Variants in PHACTR1 observed in about 807,000 individuals in gnomAD.
PHACTR1 encodes RPEL repeat containing 1.
In PHACTR1, 16 loss-of-function variants were observed where a neutral mutation model predicts 69.2. The observed-to-expected ratio is 0.23, with a 90% CI of 0.16 to 0.35. The LOEUF (loss-of-function observed/expected upper bound fraction) is 0.35. Among genes scored for constraint, PHACTR1 ranks in the 10% least tolerant of loss-of-function variants. The probability of loss-of-function intolerance (pLI) is 1.00; values close to 1 mark genes in which losing one functional copy is unlikely to be tolerated. For synonymous variants in PHACTR1, 312 were observed against 284.5 expected (o/e 1.10, Z -0.97); for missense variants, 510 against 734.7 (o/e 0.69, Z 3.54).
chr6:13,010,879 G>A (rs1374150784), intron 4 of PHACTR1, among the ~76,000 whole-genome samples: 2 of 152,142 alleles, frequency 1.3e-5, no homozygotes, highest in Non-Finnish European at 2.9e-5. Context: ...CTTCACTGAG[G>A]CAGCATTCAG....
intron 4 of PHACTR1, among the ~76,000 whole-genome samples, chr6:13,050,813 A>C (rs530795487): frequency 2.6e-5 from 4 of 152,202 alleles, no homozygotes; most frequent in Admixed American, 6.5e-5. Context: ...AAATCATCAC[A>C]TTGACCTAGT....
intron 10 of PHACTR1, among the ~76,000 whole-genome samples, chr6:13,254,559 A>G (rs2127405353): frequency 6.6e-6 from 1 of 152,350 alleles, no homozygotes; most frequent in South Asian, 2.1e-4. Flanking sequence ...CCAAATCTGA[A>G]TACCTTCATC....
At chr6:12,919,163 G>A (rs1787356148) in intron 4 of PHACTR1, among the ~76,000 whole-genome samples, 1 of 151,704 alleles carries the variant, frequency 6.6e-6, no homozygotes, top group Admixed American at 6.6e-5. Context: ...TATTTTTTGA[G>A]ATGGAGTCTC....
chr6:12,785,746 C>A (rs1406793648), intron 4 of PHACTR1, among the ~76,000 whole-genome samples: 1 of 152,152 alleles, frequency 6.6e-6, no homozygotes, highest in Non-Finnish European at 1.5e-5. Context: ...ACTGTTTTTG[C>A]TTTGCTAATA....
intron 4 of PHACTR1, among the ~76,000 whole-genome samples, chr6:12,892,291 T>A (rs1332846): frequency 0.24 from 36,350 of 152,164 alleles, 4,710 homozygotes; most frequent in Middle Eastern, 0.37. Context: ...CCTGGGACAG[T>A]GTCCAGCTCA....
At chr6:12,722,100 T>C (rs1223026846) in intron 3 of PHACTR1, among the ~76,000 whole-genome samples, 8 of 152,250 alleles carry the variant, frequency 5.3e-5, no homozygotes, top group Non-Finnish European at 1.5e-5. Flanking sequence ...CCAATTTGAT[T>C]ACTTCTTCTA....
chr6:12,984,531 C>T (rs1006861963), intron 4 of PHACTR1, among the ~76,000 whole-genome samples: 2 of 152,198 alleles, frequency 1.3e-5, no homozygotes, highest in Non-Finnish European at 2.9e-5. Flanking sequence ...GGATTTAAGT[C>T]AACAATTCTA....
intron 5 of PHACTR1, among the ~76,000 whole-genome samples, chr6:13,057,033 A>G (rs1300760837): frequency 6.6e-6 from 1 of 152,204 alleles, no homozygotes; most frequent in Non-Finnish European, 1.5e-5. Context: ...AAGTTGGTTA[A>G]TGAGTGCAAA....
chr6:13,047,469 C>G (rs1805257964), intron 4 of PHACTR1, among the ~76,000 whole-genome samples: 1 of 151,660 alleles, frequency 6.6e-6, no homozygotes, highest in Non-Finnish European at 1.5e-5. Context: ...TCTTTGGTTC[C>G]CATTCCTAGG....
At chr6:13,260,966 G>T (rs945943060) in intron 10 of PHACTR1, among the ~76,000 whole-genome samples, 2 of 152,162 alleles carry the variant, frequency 1.3e-5, no homozygotes, top group African/African-American at 4.8e-5. Flanking sequence ...TTGTGGTGGG[G>T]GCTGTCCCAT....
intron 14 of PHACTR1, among the ~76,000 whole-genome samples, chr6:13,286,766 A>C (rs758231120): frequency 6.6e-6 from 1 of 152,268 alleles, no homozygotes; most frequent in Admixed American, 6.5e-5. Context: ...TTTGGGGGGA[A>C]CATTTAGAGA....
At chr6:13,090,568 C>T (rs1208814044) in intron 5 of PHACTR1, among the ~76,000 whole-genome samples, 26 of 152,146 alleles carry the variant, frequency 1.7e-4, no homozygotes. Context: ...CTTGATCCAC[C>T]TACCTCGTCC....
At chr6:12,950,544 G>A (rs1432496070) in intron 4 of PHACTR1, among the ~76,000 whole-genome samples, 1 of 152,170 alleles carries the variant, frequency 6.6e-6, no homozygotes, top group Non-Finnish European at 1.5e-5. Context: ...GAGGTTTTCC[G>A]GGAGAAGGGA....
At chr6:12,820,831 T>G (rs1199883946) in intron 4 of PHACTR1, among the ~76,000 whole-genome samples, 1 of 152,160 alleles carries the variant, frequency 6.6e-6, no homozygotes, top group Non-Finnish European at 1.5e-5. Context: ...ATGAGAACTG[T>G]TTATATAAAC....
chr6:13,008,613 A>C (rs1171043338), intron 4 of PHACTR1, among the ~76,000 whole-genome samples: 4 of 152,168 alleles, frequency 2.6e-5, no homozygotes, highest in Non-Finnish European at 5.9e-5. Context: ...AACAAACAAA[A>C]AACTCAAACC....
In PHACTR1 at chr6:13,287,722, C is replaced by T. The variant is rs1781936695; in HGVS notation, c.*644C>T. ...TCTGGCTGCCTCTTGGCTACGAAGGCTGGCACTGAGCACCCATCCTGCTCC... is the reference window on the plus strand; with the variant it reads ...TCTGGCTGCCTCTTGGCTACGAAGGTTGGCACTGAGCACCCATCCTGCTCC... On this transcript the variant is annotated 3_prime_UTR_variant, in exon 15 of 15. Transcript: ENST00000332995. 6.5e-6 allele frequency: 1 copy of T among 153,028 alleles called. No individual in the cohort carries two copies. The highest frequency in any genetic ancestry group is 2.0e-4 in the South Asian group (1 of 4,916). The allele number at this position is 153,028 out of a possible 1,614,324, so 9.5% of individuals were successfully genotyped here.
Position 12,773,197 on chromosome 6 carries a change from A to T in PHACTR1, c.250+23407A>T, listed in dbSNP as rs551009276. On this transcript the variant is annotated intron_variant, in intron 4 of 14. Coordinates refer to ENST00000332995, the MANE Select transcript of PHACTR1 (RefSeq NM_030948.6). Reference sequence around the variant, plus strand: ...AATAAAGTTTTGCACAGGGTTTTTTAAAAAAATGTTTGTATCTCCAGATAA... The same window carrying T: ...AATAAAGTTTTGCACAGGGTTTTTTTAAAAAATGTTTGTATCTCCAGATAA... Among the ~76,000 whole-genome samples the T allele has an allele frequency of 5.9e-5, 9 of 152,290 alleles. No individual in the cohort carries two copies. In the South Asian group the frequency reaches 6.2e-4, roughly 11 times the overall value.
At chr6:13,199,217 C>G (rs1330892396) in intron 7 of PHACTR1, among the ~76,000 whole-genome samples, 3 of 151,936 alleles carry the variant, frequency 2.0e-5, no homozygotes, top group Admixed American at 6.6e-5. Context: ...GAAACCCCAT[C>G]TCTACTAAAA....
chr6:12,747,385 C>G (rs1765921532), intron 3 of PHACTR1, among the ~76,000 whole-genome samples: 2 of 151,938 alleles, frequency 1.3e-5, no homozygotes, highest in African/African-American at 4.8e-5. Flanking sequence ...AGCTGTTCGT[C>G]AGCTGTGGTG....
Sources: gnomAD v4.1 joint callset for allele counts (sites outside exome capture counted in the v4.1 genomes callset) on GRCh38, gnomAD v4.1.1 for gene constraint, MANE v1.5 for transcripts, NCBI Gene and HGNC (gene_info 2026-07-23, HGNC 2026-07-21) for gene names.